Variants in NSL1 observed in about 807,000 individuals in gnomAD.
The protein encoded by NSL1 is kinetochore-associated protein NSL1 homolog.
NSL1 carries 11 observed loss-of-function variants against 25.4 expected under a neutral mutation model. That is an observed-to-expected ratio of 0.43 (90% confidence interval 0.27 to 0.72). The LOEUF is 0.72. Ranked by LOEUF, NSL1 falls within the 30% of genes least tolerant of loss-of-function variation. NSL1 has a pLI of 0.19. For missense variants in NSL1, 330 were observed against 342.7 expected, an observed-to-expected ratio of 0.96 and a Z score of 0.29; for synonymous variants, 118 against 120.6, an observed-to-expected ratio of 0.98 and a Z score of 0.14.
chr1:212,751,871 T>C (rs1397685030), intron 4 of NSL1, among the ~76,000 whole-genome samples: 3 of 152,220 alleles, frequency 2.0e-5, no homozygotes, highest in African/African-American at 7.2e-5. Flanking sequence ...AAGATTATTC[T>C]AAATGAATTT....
chr1:212,778,914 G>A (rs951254328), intron 4 of NSL1, among the ~76,000 whole-genome samples: 17 of 151,290 alleles, frequency 1.1e-4, no homozygotes, highest in African/African-American at 2.4e-4. Context: ...GGAAAGTGAG[G>A]AGCGTCTCTG....
At chr1:212,776,363 C>CA (rs1014579066) in intron 4 of NSL1, among the ~76,000 whole-genome samples, 8 of 147,744 alleles carry the variant, frequency 5.4e-5, no homozygotes, top group East Asian at 2.0e-4. Flanking sequence ...AACTCCGTCT[C>CA]AAAAAAAAAT....
intron 4 of NSL1, among the ~76,000 whole-genome samples, chr1:212,756,652 T>C (rs1659322305): frequency 6.6e-6 from 1 of 152,016 alleles, no homozygotes; most frequent in African/African-American, 2.4e-5. Context: ...AAACCTTGTC[T>C]CTATTAAATA....
intron 4 of NSL1, among the ~76,000 whole-genome samples, chr1:212,743,708 T>C (rs1309030201): frequency 6.6e-6 from 1 of 152,068 alleles, no homozygotes; most frequent in African/African-American, 2.4e-5. Flanking sequence ...TCTGTCACAA[T>C]CAACTTTATC....
At chr1:212,754,955 C>T (rs952873933) in intron 4 of NSL1, among the ~76,000 whole-genome samples, 1 of 152,108 alleles carries the variant, frequency 6.6e-6, no homozygotes, top group Admixed American at 6.5e-5. Context: ...GATATGGCTC[C>T]AGCCTGGGAT....
At position 212,761,409 on chromosome 1, in the gene NSL1, G is replaced by A. The variant is rs891959036; in HGVS notation, c.499+20963C>T. ...CACAAAAATTACAAAAAATTATTAG[G>A]GAGGAGGATCGCCTGAACCCAGGAG... is the stretch of plus-strand genomic sequence containing the variant. On this transcript the variant is annotated intron_variant, in intron 4 of 5. Coordinates refer to ENST00000366977, the MANE Select transcript of NSL1 (RefSeq NM_015471.4). 5.3e-5 allele frequency among the ~76,000 whole-genome samples: 8 copies of A among 152,088 alleles called. 1 individual carries two copies. The highest frequency in any genetic ancestry group is 1.2e-4 in the Non-Finnish European group (8 of 68,012).
intron 4 of NSL1, among the ~76,000 whole-genome samples, chr1:212,768,568 G>A (rs1449907830): frequency 1.3e-5 from 2 of 152,138 alleles, no homozygotes; most frequent in African/African-American, 4.8e-5. Context: ...AATAGCATTC[G>A]CAGCAACCTG....
At chr1:212,740,798 G>A (rs911392914) in intron 4 of NSL1, among the ~76,000 whole-genome samples, 13 of 152,124 alleles carry the variant, frequency 8.5e-5, no homozygotes, top group Non-Finnish European at 1.3e-4. Context: ...AATTTAAAAT[G>A]TAAGTAGAAA....
chr1:212,750,423 G>A (rs1031223045), intron 4 of NSL1, among the ~76,000 whole-genome samples: 1 of 149,638 alleles, frequency 6.7e-6, no homozygotes, highest in Non-Finnish European at 1.5e-5. Flanking sequence ...AGAGAAGGAA[G>A]GGAAATTCCC....
At chr1:212,773,964 T>C (rs545622720) in intron 4 of NSL1, among the ~76,000 whole-genome samples, 2 of 152,082 alleles carry the variant, frequency 1.3e-5, no homozygotes, top group East Asian at 3.9e-4. Flanking sequence ...AAATCTCATG[T>C]TCTCACTCAC....
At chr1:212,779,942 G>A (rs544953691) in intron 4 of NSL1, among the ~76,000 whole-genome samples, 6 of 150,920 alleles carry the variant, frequency 4.0e-5, no homozygotes, top group Admixed American at 3.3e-4. Context: ...GCCTCTGCCC[G>A]GCCGCCCCTA....
Position 212,734,695 on chromosome 1 carries a change from A to C in NSL1, c.*3713T>G, listed in dbSNP as rs1339089571. ...TATTGATCCACATTGTTATAACAGT[A>C]ATTTGTTCTTTATTCCTGTATTCCT... On this transcript the variant is annotated 3_prime_UTR_variant, in exon 6 of 6. Transcript: ENST00000366977. Among the ~76,000 whole-genome samples, 1 of 152,152 alleles carries C rather than the reference A, an allele frequency of 6.6e-6. No individual in the cohort carries two copies. Among genetic ancestry groups the C allele is most frequent in the African/African-American group, 2.4e-5 (1 of 41,430 alleles).
At chr1:212,777,502 G>C (rs1660428653) in intron 4 of NSL1, among the ~76,000 whole-genome samples, 2 of 152,188 alleles carry the variant, frequency 1.3e-5, no homozygotes, top group Non-Finnish European at 2.9e-5. Context: ...AATGAATAGA[G>C]AGCTCTGCGT....
Position 212,728,860 on chromosome 1 carries a change from G to A in NSL1, c.*9548C>T. The stretch of plus-strand genomic sequence containing the variant: ...AAGTCTAGTGTTTGCAGGAGGGCAA[G>A]ACTGGGAGTGCTGGGGGTGGGGAGG... On this transcript the variant is annotated 3_prime_UTR_variant, in exon 6 of 6. Coordinates refer to ENST00000366977, the MANE Select transcript of NSL1 (RefSeq NM_015471.4). 1.0e-6 allele frequency: 1 copy of A among 985,398 alleles called. No individual in the cohort carries two copies. Among genetic ancestry groups the A allele is most frequent in the Non-Finnish European group, 1.2e-6 (1 of 829,928 alleles). The allele number at this position is 985,398 out of a possible 1,614,324, so 61.0% of individuals were successfully genotyped here.
At chr1:212,771,597 C>T (rs1291111028) in intron 4 of NSL1, among the ~76,000 whole-genome samples, 4 of 88,308 alleles carry the variant, frequency 4.5e-5, no homozygotes, top group Non-Finnish European at 1.1e-4. Context: ...TAGAGAAAAA[C>T]CTAAAGACTC....
chr1:212,778,621 C>T (rs1381995236), intron 4 of NSL1, among the ~76,000 whole-genome samples: 11 of 152,160 alleles, frequency 7.2e-5, no homozygotes, highest in Admixed American at 4.6e-4. Flanking sequence ...GGCTGGTCTC[C>T]AGCTCCTAAC....
chr1:212,759,878 G>A (rs77334424), intron 4 of NSL1, among the ~76,000 whole-genome samples: 2 of 152,256 alleles, frequency 1.3e-5, no homozygotes, highest in African/African-American at 2.4e-5. Flanking sequence ...GAGCTGAAGC[G>A]CACACTCCTC....
chr1:212,745,979 C>G (rs549965278), intron 4 of NSL1, among the ~76,000 whole-genome samples: 1 of 152,006 alleles, frequency 6.6e-6, no homozygotes, highest in Admixed American at 6.6e-5. Flanking sequence ...AACAAACAAA[C>G]AAACAAACAA....
chr1:212,779,242 G>T (rs1468410916), intron 4 of NSL1, among the ~76,000 whole-genome samples: 1 of 149,294 alleles, frequency 6.7e-6, no homozygotes, highest in African/African-American at 2.5e-5. Context: ...GGGGGGTGGG[G>T]TCAGCCCCCC....
Sources: allele counts gnomAD v4.1 joint callset (sites outside exome capture counted in the v4.1 genomes callset), GRCh38; gene constraint gnomAD v4.1.1; transcripts MANE v1.5; gene names NCBI Gene and HGNC (gene_info 2026-07-23, HGNC 2026-07-21).